Variants in SAMD3 observed in about 807,000 individuals in gnomAD.
SAMD3 encodes the protein sterile alpha motif domain containing 3.
Under a neutral mutation model 58.5 loss-of-function variants are expected in SAMD3, and 63 were observed. The observed-to-expected ratio is 1.08, with a 90% confidence interval of 0.88 to 1.33. The LOEUF (loss-of-function observed/expected upper bound fraction) is 1.33, where lower values mean the gene tolerates loss of function less well. Ranked by LOEUF, SAMD3 falls within the 40% of genes most tolerant of loss-of-function variation. The pLI is 0.00. For missense variants in SAMD3, 604 were observed against 608.4 expected (o/e 0.99, Z 0.08); for synonymous variants, 220 against 210.3 (o/e 1.05, Z -0.40).
chr6:130,151,943 A>G (rs1789230658), intron 9 of SAMD3, among the ~76,000 whole-genome samples: 1 of 152,222 alleles, frequency 6.6e-6, no homozygotes, highest in Non-Finnish European at 1.5e-5. Flanking sequence ...AACATCCAGT[A>G]GATCCCAGTA....
chr6:130,157,925 T>A (rs1256981614), intron 8 of SAMD3, among the ~76,000 whole-genome samples: 1 of 138,026 alleles, frequency 7.2e-6, no homozygotes, highest in Non-Finnish European at 1.6e-5. Flanking sequence ...GAAAATACAA[T>A]TTTTTACAAT....
At chr6:130,263,567 C>A (rs765055262) in intron 2 of SAMD3, among the ~76,000 whole-genome samples, 8 of 152,174 alleles carry the variant, frequency 5.3e-5, no homozygotes, top group Non-Finnish European at 7.3e-5. Context: ...AAAACCCTAC[C>A]AAACTAAAGC....
chr6:130,289,519 A>C (rs1044226716), intron 2 of SAMD3, among the ~76,000 whole-genome samples: 1 of 152,054 alleles, frequency 6.6e-6, no homozygotes, highest in African/African-American at 2.4e-5. Flanking sequence ...AGAGAGAGAG[A>C]GACAGAGTCT....
chr6:130,323,745 G>A (rs528429054), intron 1 of SAMD3, among the ~76,000 whole-genome samples: 1 of 141,916 alleles, frequency 7.0e-6, no homozygotes, highest in East Asian at 2.2e-4. Context: ...GGAGGTTGCA[G>A]TGAGCTGAGA....
chr6:130,282,053 A>G (rs1317323006), intron 2 of SAMD3, among the ~76,000 whole-genome samples: 1 of 152,206 alleles, frequency 6.6e-6, no homozygotes, highest in African/African-American at 2.4e-5. Context: ...CCTTCAAGAC[A>G]TGACAGAGCT....
At chr6:130,214,264 C>G in intron 4 of SAMD3, 73 bp downstream of exon 4, 1 of 1,285,948 alleles carries the variant, frequency 7.8e-7, no homozygotes, top group Non-Finnish European at 1.0e-6. Context: ...GGCTTTAAAC[C>G]CAAACGTCAC....
chr6:130,365,597 A>G (rs937408481), upstream of SAMD3: 1 of 985,278 alleles, frequency 1.0e-6, no homozygotes, highest in Non-Finnish European at 1.2e-6. Flanking sequence ...GCTCCGGAGA[A>G]CTGGGGGAGC....
At chr6:130,170,916 A>G (rs1791190277) in intron 8 of SAMD3, among the ~76,000 whole-genome samples, 1 of 152,164 alleles carries the variant, frequency 6.6e-6, no homozygotes, top group Non-Finnish European at 1.5e-5. Context: ...CTCTCATCCT[A>G]TTTGAATACT....
chr6:130,180,570 G>GT (rs1265435261), intron 7 of SAMD3, among the ~76,000 whole-genome samples: 5 of 152,154 alleles, frequency 3.3e-5, no homozygotes, highest in African/African-American at 1.2e-4. Flanking sequence ...ATCTAGATCA[G>GT]TAACTCTCAG....
intron 1 of SAMD3, among the ~76,000 whole-genome samples, chr6:130,350,718 C>T (rs932136453): frequency 6.6e-6 from 1 of 152,150 alleles, no homozygotes; most frequent in African/African-American, 2.4e-5. Flanking sequence ...ATTGGAAAAA[C>T]TACTTTAAAG....
At chr6:130,166,043 TC>T (rs1790710799) in intron 8 of SAMD3, among the ~76,000 whole-genome samples, 1 of 152,122 alleles carries the variant, frequency 6.6e-6, no homozygotes, top group South Asian at 2.1e-4. Context: ...GCAGGATGCT[TC>T]CCCAAGAGCT....
chr6:130,192,436 C>T (rs1041575743), intron 5 of SAMD3, among the ~76,000 whole-genome samples: 1 of 152,122 alleles, frequency 6.6e-6, no homozygotes, highest in African/African-American at 2.4e-5. Flanking sequence ...TGTCCTGTTC[C>T]TGCTTTAACT....
chr6:130,341,673 T>C (rs1258732716), intron 1 of SAMD3, among the ~76,000 whole-genome samples: 2 of 152,184 alleles, frequency 1.3e-5, no homozygotes, highest in African/African-American at 2.4e-5. Flanking sequence ...CATCCTGGAA[T>C]TGGTATACTA....
At position 130,293,989 on chromosome 6, in the gene SAMD3, G is replaced by A. The variant is rs939847838; in HGVS notation, c.-188+18989C>T. ...TCAGGCTTCAAGACTGACCAGAAGA[G>A]GGCAGACAACCTCTTGGATTACCTT... On this transcript the variant is annotated intron_variant, in intron 2 of 13. Coordinates refer to the SAMD3 transcript ENST00000368134. Among the ~76,000 whole-genome samples, 3 of 152,068 alleles carry A rather than the reference G, an allele frequency of 2.0e-5. No homozygotes were observed. The East Asian group carries it at 5.8e-4, about 29-fold the overall frequency.
chr6:130,279,831 T>C (rs1307126785), intron 2 of SAMD3, among the ~76,000 whole-genome samples: 3 of 152,140 alleles, frequency 2.0e-5, no homozygotes, highest in Non-Finnish European at 4.4e-5. Context: ...TATGTCTTCA[T>C]AGCATTGTGA....
chr6:130,360,102 C>G (rs1336095600), intron 1 of SAMD3, among the ~76,000 whole-genome samples: 1 of 152,188 alleles, frequency 6.6e-6, no homozygotes, highest in Non-Finnish European at 1.5e-5. Context: ...CTGACATGCT[C>G]AAGTTCATTG....
chr6:130,255,551 T>G (rs1180026466), intron 2 of SAMD3, among the ~76,000 whole-genome samples: 1 of 152,232 alleles, frequency 6.6e-6, no homozygotes, highest in African/African-American at 2.4e-5. Context: ...AGTTTTAAAT[T>G]TAAAGTATAT....
At chr6:130,151,116 T>C (rs1357513721) in intron 9 of SAMD3, among the ~76,000 whole-genome samples, 1 of 152,154 alleles carries the variant, frequency 6.6e-6, no homozygotes, top group African/African-American at 2.4e-5. Flanking sequence ...CCAGTGCCTG[T>C]CCTACAAAGG....
At chr6:130,295,645 G>A (rs1430803151) in intron 2 of SAMD3, among the ~76,000 whole-genome samples, 1 of 152,112 alleles carries the variant, frequency 6.6e-6, no homozygotes, top group Admixed American at 6.5e-5. Context: ...TCCAGCAAGG[G>A]GAATGGGATT....
Sources: gnomAD v4.1 joint callset for allele counts (sites outside exome capture counted in the v4.1 genomes callset) on GRCh38, gnomAD v4.1.1 for gene constraint, MANE v1.5 for transcripts, NCBI Gene and HGNC (gene_info 2026-07-23, HGNC 2026-07-21) for gene names.